The following RIF1 variants were observed in gnomAD, a reference collection of about 807,000 sequenced individuals.
RIF1 encodes the protein replication timing regulatory factor 1.
In RIF1, 45 loss-of-function variants were observed where a neutral mutation model predicts 247.1. That is an observed-to-expected ratio of 0.18 (90% CI 0.14 to 0.23). The LOEUF is 0.23. RIF1 is among the 10% of genes least tolerant of loss of function. The probability of loss-of-function intolerance (pLI) is 1.00; values close to 1 mark genes in which losing one functional copy is unlikely to be tolerated. For synonymous variants in RIF1, 1,087 were observed against 978.8 expected, an observed-to-expected ratio of 1.11 and a Z score of -2.06; for missense variants, 2,967 against 2,862.5, an observed-to-expected ratio of 1.04 and a Z score of -0.83.
At chr2:151,423,260 C>T in intron 8 of RIF1, 1 of 465,348 alleles carries the variant, frequency 2.1e-6, no homozygotes, top group South Asian at 2.8e-5. Context: ...GAATTGGAGT[C>T]ACACAACGTG....
At chr2:151,424,439 T>A (rs1167235323) in intron 8 of RIF1, among the ~76,000 whole-genome samples, 2 of 152,236 alleles carry the variant, frequency 1.3e-5, no homozygotes, top group African/African-American at 4.8e-5. Flanking sequence ...TCATAACATA[T>A]ATTAAAGTTG....
Position 151,446,429 on chromosome 2 carries a change from A to G in RIF1, c.2098A>G (p.Thr700Ala), listed in dbSNP as rs900886753. ...CTTTTTTTGTTGTTATTGGTAGGCC[A>G]CCATGAAGACTTTGCTTAGAACTTG... is the stretch of plus-strand genomic sequence containing the variant. ...IFSEQRFPVA[T>A]MKTLLRTWSE... Residue 700 changes from threonine (T) to alanine (A), a missense_variant, in exon 20 of 36, where the codon ACC (threonine) becomes GCC (alanine). Thr to Ala is a moderately conservative substitution (Grantham distance 58). Around this residue, in one of 7 missense-constraint regions of RIF1, gnomAD observed 76 missense variants for 113.3 expected, o/e 0.67. Transcript: ENST00000444746. The G allele has an allele frequency of 1.2e-6, 2 of 1,613,860 alleles. No individual in the cohort carries two copies. The highest frequency in any genetic ancestry group is 1.3e-5 in the African/African-American group (1 of 74,940).
chr2:151,419,867 T>C (rs910546083), intron 6 of RIF1, among the ~76,000 whole-genome samples: 2 of 152,106 alleles, frequency 1.3e-5, no homozygotes, highest in Non-Finnish European at 2.9e-5. Flanking sequence ...AAAACGTTGC[T>C]CTGTGGTGAA....
At chr2:151,451,895 C>T (rs1426840087) in intron 21 of RIF1, among the ~76,000 whole-genome samples, 190 bp downstream of exon 21, 1 of 152,062 alleles carries the variant, frequency 6.6e-6, no homozygotes, top group Non-Finnish European at 1.5e-5. Flanking sequence ...TTCATATGCT[C>T]TGTATCATTC....
chr2:151,529,664 G>A, the RIF1 span, among the ~76,000 whole-genome samples: 40 of 152,096 alleles, frequency 2.6e-4, no homozygotes, highest in East Asian at 6.6e-3. Context: ...CTGAGTACCT[G>A]GGACCACAGG....
At chr2:151,517,956 G>T in the RIF1 span, among the ~76,000 whole-genome samples, 5 of 152,038 alleles carry the variant, frequency 3.3e-5, no homozygotes, top group African/African-American at 1.2e-4. Context: ...AGACCTGATC[G>T]TATCACTTCT....
chr2:151,531,311 T>TC, the RIF1 span, among the ~76,000 whole-genome samples: 1 of 37,196 alleles, frequency 2.7e-5, no homozygotes, highest in South Asian at 6.4e-4. Context: ...TTTCTTTCTT[T>TC]TTTTTTTTTT....
At chr2:151,452,075 A>C (rs1694399205) in intron 21 of RIF1, among the ~76,000 whole-genome samples, 1 of 152,214 alleles carries the variant, frequency 6.6e-6, no homozygotes. Context: ...TTTTATTTGC[A>C]AGCCTGATTT....
chr2:151,469,794 A>C lies in RIF1; in HGVS notation c.7025A>C (p.Lys2342Thr). 6.2e-7 allele frequency: 1 copy of C among 1,612,250 alleles called. No homozygotes were observed. Among genetic ancestry groups the C allele is most frequent in the Non-Finnish European group, 8.5e-7 (1 of 1,178,768 alleles). ...AGTACTCTTACAGCATCTGAAATAA[A>C]AACTCTTCCTATCCGTTCTCCAAAA... ...DLSTLTASEI[K>T]TLPIRSPKVS... Residue 2342 changes from lysine (K) to threonine (T), a missense_variant, in exon 34 of 36, where the codon AAA becomes ACA. By Grantham distance (78) the Lys-to-Thr change is moderately conservative (BLOSUM62 -1). Coordinates refer to ENST00000444746, the MANE Select transcript of RIF1 (RefSeq NM_018151.5).
chr2:151,487,500 T>TAA lies in RIF1; in HGVS notation c.*415+4166_*415+4167dup, dbSNP rs563314229. Among the ~76,000 whole-genome samples, 17 of 152,344 alleles carry TAA rather than the reference T, an allele frequency of 1.1e-4. No homozygotes were observed. The East Asian group carries it at 3.3e-3, about 29-fold the overall frequency. On this transcript the variant is annotated intron_variant and NMD_transcript_variant, in intron 9 of 13. Coordinates refer to the RIF1 transcript ENST00000454583. ...AATACTGTGATTTGTTCTTTCCATT[T>TAA]AATATAGCTTGGAAGTCTTTCCATG... is the stretch of plus-strand genomic sequence containing the variant.
chr2:151,465,369 A>T lies in RIF1; in HGVS notation c.5849A>T (p.Asp1950Val). The change falls in exon 30 of 36, where the codon GAT (aspartate) becomes GTT (valine). Residue 1950 changes from aspartate to valine, a missense_variant. Asp to Val is a radical substitution (Grantham distance 152). Coordinates refer to ENST00000444746, the MANE Select transcript of RIF1 (RefSeq NM_018151.5). ...EAAIEENKRN[D>V]DSEADTAKLN... ...GCAATAGAAGAAAATAAAAGAAATG[A>T]TGACTCTGAAGCAGACACAGCTAAA... is the stretch of plus-strand genomic sequence containing the variant. The T allele has an allele frequency of 6.2e-7, 1 of 1,613,860 alleles. No homozygotes were observed. Among genetic ancestry groups the T allele is most frequent in the South Asian group, 1.1e-5 (1 of 91,002 alleles).
chr2:151,439,004 G>A (rs562741811), intron 14 of RIF1, among the ~76,000 whole-genome samples: 1 of 152,100 alleles, frequency 6.6e-6, no homozygotes, highest in East Asian at 1.9e-4. Flanking sequence ...ACTTACTATC[G>A]ATTGGAAGCC....
At chr2:151,491,146 T>G (rs1167479719) in intron 9 of RIF1, 1 of 154,354 alleles carries the variant, frequency 6.5e-6, no homozygotes, top group Non-Finnish European at 1.4e-5. Context: ...TCCTCCCACT[T>G]CAGCCCCCTG....
chr2:151,425,647 T>A lies in RIF1; in HGVS notation c.786+2605T>A, dbSNP rs147324827. ...TACTGAAGAGGTTGTTTTTATTAAA[T>A]CCTTGTGGTACCCTTTTTTTTTTTT... On this transcript the variant is annotated intron_variant, in intron 8 of 35. Coordinates refer to ENST00000444746, the MANE Select transcript of RIF1 (RefSeq NM_018151.5). Among the ~76,000 whole-genome samples the A allele has an allele frequency of 2.8e-3, 408 of 147,098 alleles. 1 individual carries two copies. The highest frequency in any genetic ancestry group is 9.8e-3 in the African/African-American group (391 of 40,098).
rs1052466667 is a variant in RIF1 at position 151,481,011 on chromosome 2, A to T, written c.*5940A>T. On this transcript the variant is annotated 3_prime_UTR_variant, in exon 36 of 36. Coordinates refer to ENST00000444746, the MANE Select transcript of RIF1 (RefSeq NM_018151.5). ...ACACATGAAAACATATTAAATTAAA[A>T]TTTCAGTATCCAGAAATAAAGTTTT... The T allele has an allele frequency of 3.3e-5, 5 of 152,200 alleles. No individual in the cohort carries two copies. The highest frequency in any genetic ancestry group is 1.2e-4 in the African/African-American group (5 of 41,462). 9.4% of individuals were successfully genotyped at this position (152,200 alleles called of 1,614,324 possible).
At chr2:151,442,813 G>A (rs188626579) in intron 16 of RIF1, among the ~76,000 whole-genome samples, 2,741 of 135,386 alleles carry the variant, frequency 0.02, 247 homozygotes, top group Admixed American at 0.18. Flanking sequence ...AGGCTGTTGC[G>A]CAGTCTGGAG....
At chr2:151,416,926 T>C in intron 6 of RIF1, 25 bp downstream of exon 6, 1 of 1,549,438 alleles carries the variant, frequency 6.5e-7, no homozygotes, top group East Asian at 2.3e-5. Flanking sequence ...GTTGTGCAAA[T>C]TGAAGAATAG....
At chr2:151,460,547 A>G (rs1281072930) in intron 26 of RIF1, among the ~76,000 whole-genome samples, 1 of 152,078 alleles carries the variant, frequency 6.6e-6, no homozygotes, top group Admixed American at 6.6e-5. Flanking sequence ...AGCTCATGCT[A>G]GTTGCCAGTT....
chr2:151,468,183 C>T (rs1410109668), intron 31 of RIF1, 37 bp downstream of exon 31: 1 of 1,501,082 alleles, frequency 6.7e-7, no homozygotes, highest in Non-Finnish European at 9.1e-7. Flanking sequence ...TATATGTATA[C>T]CGACACAGAA....
Sources: allele counts gnomAD v4.1 joint callset (sites outside exome capture counted in the v4.1 genomes callset), GRCh38; gene constraint gnomAD v4.1.1; regional missense constraint gnomAD v4.1.1; transcripts MANE v1.5; gene names NCBI Gene and HGNC (gene_info 2026-07-23, HGNC 2026-07-21).